The following ZMYND19 variants were observed in gnomAD, a reference collection of about 807,000 sequenced individuals.
ZMYND19 encodes the protein zinc finger MYND-type containing 19, also known as zinc finger MYND domain-containing protein 19.
Under a neutral mutation model 32.0 loss-of-function variants are expected in ZMYND19, and 17 were observed. The ratio of observed to expected loss-of-function variants is 0.53; its 90% CI spans 0.36 to 0.80. The LOEUF is 0.80. Among genes scored for constraint, ZMYND19 ranks in the 30% least tolerant of loss-of-function variants. The pLI, the probability that ZMYND19 is intolerant of heterozygous loss-of-function variation, is 0.00. For missense variants in ZMYND19, 250 were observed against 293.6 expected (o/e 0.85, Z 1.09); for synonymous variants, 124 against 113.6 (o/e 1.09, Z -0.58).
intron 4 of ZMYND19, among the ~76,000 whole-genome samples, chr9:137,586,430 C>CAGAGAAGGAAGGAATCCCGAGGTGAGG (rs1842205080): frequency 2.3e-5 from 3 of 133,142 alleles, no homozygotes; most frequent in Admixed American, 7.8e-5. Flanking sequence ...CTGACGTGAG[C>CAGAGAAGGAAGGAATCCCGAGGTGAGG]AGAGAAGGAA....
intron 3 of ZMYND19, 95 bp from the exon 4 acceptor site, chr9:137,587,202 G>A (rs1418572156): frequency 1.3e-6 from 2 of 1,537,698 alleles, no homozygotes; most frequent in South Asian, 2.4e-5. Flanking sequence ...CTTCCAGGAA[G>A]AAATGTCAGC....
rs1842155004 is a variant in ZMYND19, at chr9:137,582,276, A to G, written c.*267T>C. ...TACCCTTCCCATTGCCTCCCCCCCA[A>G]AAAAAACTGTACATGAGTTTACAAA... is the stretch of plus-strand genomic sequence containing the variant. On this transcript the variant is annotated 3_prime_UTR_variant, in exon 6 of 6. Transcript: ENST00000298585. 1 of 354,148 alleles carries G rather than the reference A, an allele frequency of 2.8e-6. No individual in the cohort carries two copies. The highest frequency in any genetic ancestry group is 7.5e-4 in the Middle Eastern group (1 of 1,338). 21.9% of individuals were successfully genotyped at this position (354,148 alleles called of 1,614,324 possible). A position where few individuals can be genotyped will look rare whatever the true frequency, so the allele number is the denominator to read the frequency against.
In ZMYND19 at chr9:137,587,089, G is replaced by A. The variant is rs1166040470; in HGVS notation, c.237C>T (p.Gly79=). ...HELLWERHRG[G]VAPGFQVVHL... ...GCACCACCTGGAAGCCCGGGGCCAC[G>A]CCCCCCCGGTGCCGCTCCCTAGAAA... The change falls in exon 4 of 6, where the codon GGC becomes GGT. Residue 79 remains glycine (G), a synonymous_variant. Transcript: ENST00000298585. 5 of 1,606,732 alleles carry A rather than the reference G, an allele frequency of 3.1e-6. No individual in the cohort carries two copies. The highest frequency in any genetic ancestry group is 2.7e-5 in the African/African-American group (2 of 74,906).
At chr9:137,583,786 A>C (rs1414383910) in intron 4 of ZMYND19, among the ~76,000 whole-genome samples, 1 of 152,264 alleles carries the variant, frequency 6.6e-6, no homozygotes, top group Non-Finnish European at 1.5e-5. Context: ...ACATGGGAAG[A>C]TGTTGGTGAG....
Position 137,590,035 on chromosome 9 carries a change from G to GAGGA in ZMYND19, c.51+174_51+177dup. On this transcript the variant is annotated intron_variant, in intron 1 of 5. Coordinates refer to ENST00000298585, the MANE Select transcript of ZMYND19 (RefSeq NM_138462.3). The surrounding 1 kb of genome is among the most constrained non-coding windows in gnomAD (Gnocchi z 4.2). ...GGGGTGCGTGCCCGCCGGCCTGCGA[G>GAGGA]AGGAAGCTGCACCCGCGCGGGGCCA... 1.0e-6 allele frequency: 1 copy of GAGGA among 984,490 alleles called. No homozygotes were observed. The highest frequency in any genetic ancestry group is 1.2e-6 in the Non-Finnish European group (1 of 829,594). 61.0% of individuals were successfully genotyped at this position (984,490 alleles called of 1,614,324 possible). A position where few individuals can be genotyped will look rare whatever the true frequency, so the allele number is the denominator to read the frequency against.
At chr9:137,582,930 C>A in intron 5 of ZMYND19, 53 bp downstream of exon 5, 1 of 1,595,592 alleles carries the variant, frequency 6.3e-7, no homozygotes, top group Non-Finnish European at 8.6e-7. Flanking sequence ...CAAACCAAGG[C>A]TGGGCTACAG....
At position 137,590,105 on chromosome 9, in the gene ZMYND19, C is replaced by T. The variant is rs1043447326; in HGVS notation, c.51+108G>A. On this transcript the variant is annotated intron_variant, in intron 1 of 5. Coordinates refer to ENST00000298585, the MANE Select transcript of ZMYND19 (RefSeq NM_138462.3). This position sits in a 1 kb window ranked among gnomAD's most constrained non-coding sequence, Gnocchi z 4.2. Reference sequence around the variant, plus strand: ...GTCCCCCGCCCCGCTGGGGCCCATCCCGGGCTCCGCGCCCCCGCCCCGGCC... The same window carrying T: ...GTCCCCCGCCCCGCTGGGGCCCATCTCGGGCTCCGCGCCCCCGCCCCGGCC... 2.2e-5 allele frequency: 22 copies of T among 982,582 alleles called. No homozygotes were observed. The highest frequency in any genetic ancestry group is 2.5e-5 in the Non-Finnish European group (21 of 828,896). The allele number at this position is 982,582 out of a possible 1,614,324, so 60.9% of individuals were successfully genotyped here.
At chr9:137,588,762 G>A (rs1842236051) in intron 1 of ZMYND19, 44 bp from the exon 2 acceptor site, 1 of 1,609,696 alleles carries the variant, frequency 6.2e-7, no homozygotes, top group Non-Finnish European at 8.5e-7. Context: ...TTTGGGATCT[G>A]CGTGAGGTGC....
In ZMYND19 at chr9:137,589,613, G is replaced by A. The variant is rs114222989; in HGVS notation, c.51+600C>T. On this transcript the variant is annotated intron_variant, in intron 1 of 5. Transcript: ENST00000298585. ...TGGGGGCCAAGTAAGAAGAGAAGTC[G>A]AGGAAGGCCCTGAGTCTGCAGCATC... The A allele has an allele frequency of 8.0e-3, 7,856 of 985,418 alleles. 394 individuals are homozygous for A. In the African/African-American group the frequency reaches 0.11, roughly 14 times the overall value. The allele number at this position is 985,418 out of a possible 1,614,324, so 61.0% of individuals were successfully genotyped here.
intron 1 of ZMYND19, 42 bp from the exon 2 acceptor site, chr9:137,588,760 C>A: frequency 1.2e-6 from 2 of 1,611,272 alleles, no homozygotes; most frequent in South Asian, 1.1e-5. Context: ...CATTTGGGAT[C>A]TGCGTGAGGT....
intron 1 of ZMYND19, chr9:137,589,752 G>A (rs920936117): frequency 1.0e-6 from 1 of 985,474 alleles, no homozygotes; most frequent in Non-Finnish European, 1.2e-6. Flanking sequence ...AGGCACAGAA[G>A]AGCCCACACC....
chr9:137,589,987 G>A (rs1842253204), intron 1 of ZMYND19: 1 of 985,290 alleles, frequency 1.0e-6, no homozygotes, highest in African/African-American at 1.7e-5. Flanking sequence ...GGCCGAGGGT[G>A]GCCAGGTGCA....
chr9:137,589,244 G>A (rs1842241646), intron 1 of ZMYND19: 9 of 742,586 alleles, frequency 1.2e-5, no homozygotes, highest in African/African-American at 1.9e-5. Context: ...TCTGGTCTCC[G>A]ACCTGACTGG....
intron 1 of ZMYND19, 99 bp from the exon 2 acceptor site, chr9:137,588,817 T>C: frequency 7.0e-7 from 1 of 1,419,962 alleles, no homozygotes; most frequent in Non-Finnish European, 9.9e-7. Context: ...TGCATTTTCC[T>C]GTGAAGTGGA....
At chr9:137,589,861 G>C in intron 1 of ZMYND19, 1 of 985,420 alleles carries the variant, frequency 1.0e-6, no homozygotes, top group Non-Finnish European at 1.2e-6. Context: ...GCCGCGCTAG[G>C]CCCCGGATCG....
intron 2 of ZMYND19, 117 bp downstream of exon 2, chr9:137,588,542 A>C (rs1487490103): frequency 1.8e-6 from 2 of 1,140,282 alleles, no homozygotes; most frequent in East Asian, 4.7e-5. Context: ...GGCCAGCACC[A>C]GTTGTCCACT....
rs1842259833 is a variant in ZMYND19 at position 137,590,372 on chromosome 9, C to T, written c.-109G>A. On this transcript the variant is annotated 5_prime_UTR_variant, in exon 1 of 6. Transcript: ENST00000298585. This position sits in a 1 kb window ranked among gnomAD's most constrained non-coding sequence, Gnocchi z 4.2. ...GACAGGACGGGACCGGAGCCGGGGT[C>T]GGGGTAGCAGCCAGGCGGGCTCCGG... 2.8e-6 allele frequency: 2 copies of T among 724,356 alleles called. No homozygotes were observed. The highest frequency in any genetic ancestry group is 1.7e-6 in the Non-Finnish European group (1 of 592,190). The allele number at this position is 724,356 out of a possible 1,614,324, so 44.9% of individuals were successfully genotyped here.
chr9:137,587,483 C>A, intron 3 of ZMYND19: 1 of 603,696 alleles, frequency 1.7e-6, no homozygotes. Flanking sequence ...ACCGTCCCTC[C>A]AGAGGCTGCC....
intron 4 of ZMYND19, 146 bp downstream of exon 4, chr9:137,586,821 G>T: frequency 8.9e-7 from 1 of 1,119,498 alleles, no homozygotes. Context: ...TCCACGCTTT[G>T]GGGAAAAACA....
Sources: allele counts gnomAD v4.1 joint callset (sites outside exome capture counted in the v4.1 genomes callset), GRCh38; gene constraint gnomAD v4.1.1; non-coding constraint Gnocchi (gnomAD v3.1); transcripts MANE v1.5; gene names NCBI Gene and HGNC (gene_info 2026-07-23, HGNC 2026-07-21).